Variants in OCA2 observed in about 807,000 individuals in gnomAD.
The protein encoded by OCA2 is OCA2 melanosomal transmembrane protein, also known as P protein.
Under a neutral mutation model 100.2 loss-of-function variants are expected in OCA2, and 77 were observed. That is an observed-to-expected ratio of 0.77 (90% CI 0.64 to 0.93). The LOEUF is 0.93. Ranked by LOEUF, OCA2 falls within the 40% of genes least tolerant of loss-of-function variation. OCA2 has a pLI of 0.00. For missense variants in OCA2, 1,062 were observed against 1,089.1 expected (o/e 0.98, Z 0.35); for synonymous variants, 432 against 439.2 (o/e 0.98, Z 0.21).
At chr15:27,741,340 G>A in the OCA2 span, among the ~76,000 whole-genome samples, 4 of 152,314 alleles carry the variant, frequency 2.6e-5, no homozygotes, top group Admixed American at 2.6e-4. Context: ...GCATGGGGGA[G>A]GCTTTGACCA....
chr15:28,094,884 G>A (rs1013785269), intron 1 of OCA2, among the ~76,000 whole-genome samples: 9 of 152,238 alleles, frequency 5.9e-5, no homozygotes, highest in African/African-American at 1.9e-4. Flanking sequence ...CGACGGCACC[G>A]GTGCCAGGAC....
rs374434751 is a variant in OCA2 at position 27,983,369 on chromosome 15, A to C, written c.1479T>G (p.Val493=). The C allele has an allele frequency of 2.6e-4, 415 of 1,614,212 alleles. 2 individuals are homozygous for C. The South Asian group carries it at 3.7e-3, about 14-fold the overall frequency. The change falls in exon 14 of 24, where the codon GTT becomes GTG. Residue 493 remains valine (V), a synonymous_variant. Coordinates refer to ENST00000354638, the MANE Select transcript of OCA2 (RefSeq NM_000275.3). ...CCATCTTCCTCAGCTCTTGGTTGGA[A>C]ACAATAATGACATTTGGAGGGTCCC... The part of the protein sequence containing the change: ...AIGDPPNVII[V]SNQELRKMGL...
intron 23 of OCA2, among the ~76,000 whole-genome samples, chr15:27,826,070 G>A (rs1479039196): frequency 6.6e-6 from 1 of 152,174 alleles, no homozygotes; most frequent in Non-Finnish European, 1.5e-5. Context: ...CTACCCATGA[G>A]CCACCATTAG....
intron 1 of OCA2, among the ~76,000 whole-genome samples, chr15:28,094,927 T>G (rs897802013): frequency 6.6e-6 from 1 of 152,210 alleles, no homozygotes; most frequent in Non-Finnish European, 1.5e-5. Context: ...CCGGGCGTGG[T>G]CCTGACACCT....
At chr15:27,749,169 A>C in the OCA2 span, among the ~76,000 whole-genome samples, 1 of 152,216 alleles carries the variant, frequency 6.6e-6, no homozygotes, top group Non-Finnish European at 1.5e-5. Context: ...GCCACAACAT[A>C]ATCAAATCCC....
intron 18 of OCA2, among the ~76,000 whole-genome samples, chr15:27,927,118 C>T (rs1487650262): frequency 1.3e-5 from 2 of 152,198 alleles, no homozygotes; most frequent in African/African-American, 4.8e-5. Flanking sequence ...GGAGAAACCC[C>T]GTCTCTACTA....
At chr15:27,914,834 TA>T (rs1472268075) in intron 19 of OCA2, among the ~76,000 whole-genome samples, 1 of 152,106 alleles carries the variant, frequency 6.6e-6, no homozygotes, top group Non-Finnish European at 1.5e-5. Context: ...ACACCAATGA[TA>T]TTCTTCAGAG....
chr15:27,942,410 C>T (rs2039680385), intron 18 of OCA2, among the ~76,000 whole-genome samples: 1 of 151,852 alleles, frequency 6.6e-6, no homozygotes, highest in South Asian at 2.1e-4. Flanking sequence ...CAAAAGACCA[C>T]ATGTTAAATG....
chr15:27,985,131 C>T lies in OCA2; in HGVS notation c.1297G>A (p.Ala433Thr), dbSNP rs749410903. The change falls in exon 13 of 24, where the codon GCG becomes ACG. Residue 433 changes from alanine to threonine, a missense_variant. Ala to Thr is a moderately conservative substitution (Grantham distance 58, BLOSUM62 0). Transcript: ENST00000354638. ...TCCAAGAAGGCAGAGAGGACGGCCG[C>T]GATGAGACAGAGCATGATGATCATG... ...WAMIIMLCLI[A>T]AVLSAFLDNV... is the part of the protein sequence containing the mutation. 7.9e-5 allele frequency: 127 copies of T among 1,613,962 alleles called. 1 individual carries two copies. Among genetic ancestry groups the T allele is most frequent in the Non-Finnish European group, 9.3e-5 (110 of 1,179,976 alleles).
the OCA2 span, among the ~76,000 whole-genome samples, chr15:27,740,314 A>G: frequency 6.6e-6 from 1 of 152,054 alleles, no homozygotes; most frequent in Admixed American, 6.5e-5. Context: ...ACAGAAAAAG[A>G]TCAAAAGGTC....
At chr15:28,068,740 T>C (rs1382869840) in intron 2 of OCA2, among the ~76,000 whole-genome samples, 2 of 152,210 alleles carry the variant, frequency 1.3e-5, no homozygotes, top group African/African-American at 2.4e-5. Context: ...AAAGTTAATA[T>C]GCCACAATCA....
intron 22 of OCA2, among the ~76,000 whole-genome samples, chr15:27,847,540 G>T (rs1314938629): frequency 6.6e-6 from 1 of 152,050 alleles, no homozygotes; most frequent in Non-Finnish European, 1.5e-5. Context: ...CTGGAGAGGA[G>T]GCCAAAGACA....
intron 1 of OCA2, among the ~76,000 whole-genome samples, chr15:28,091,591 T>C (rs1413598730): frequency 6.6e-6 from 1 of 152,070 alleles, no homozygotes; most frequent in Non-Finnish European, 1.5e-5. Context: ...CCATGAGAAA[T>C]GAAAACATAT....
intron 23 of OCA2, among the ~76,000 whole-genome samples, chr15:27,766,234 T>C (rs1021192024): frequency 2.6e-5 from 4 of 152,226 alleles, no homozygotes; most frequent in South Asian, 2.1e-4. Context: ...ATCCAAAATA[T>C]TATTTGACCA....
chr15:27,829,298 TAGA>T (rs2034859052), intron 23 of OCA2, among the ~76,000 whole-genome samples: 1 of 148,642 alleles, frequency 6.7e-6, no homozygotes, highest in African/African-American at 2.5e-5. Flanking sequence ...GATAGATAGA[TAGA>T]TAGATAGATA....
chr15:27,936,668 C>T (rs1220040220), intron 18 of OCA2, among the ~76,000 whole-genome samples: 1 of 152,106 alleles, frequency 6.6e-6, no homozygotes, highest in Admixed American at 6.5e-5. Flanking sequence ...TTATGGGCAC[C>T]TGCTGTGTGC....
At chr15:27,786,345 G>A (rs975901642) in intron 23 of OCA2, among the ~76,000 whole-genome samples, 3 of 152,166 alleles carry the variant, frequency 2.0e-5, no homozygotes, top group South Asian at 2.1e-4. Flanking sequence ...GATAGGAACT[G>A]CACTGACTCT....
intron 9 of OCA2, among the ~76,000 whole-genome samples, chr15:27,991,991 T>C (rs2041570322): frequency 6.6e-6 from 1 of 152,254 alleles, no homozygotes; most frequent in African/African-American, 2.4e-5. Flanking sequence ...AGTTTCACTT[T>C]TTAAGAGTTG....
chr15:27,984,124 T>C (rs554715641), intron 13 of OCA2, among the ~76,000 whole-genome samples: 1 of 151,998 alleles, frequency 6.6e-6, no homozygotes, highest in South Asian at 2.1e-4. Context: ...TTCCAGTTAT[T>C]CTCTTCTAGC....
Sources: gnomAD v4.1 joint callset for allele counts (sites outside exome capture counted in the v4.1 genomes callset) on GRCh38, gnomAD v4.1.1 for gene constraint, MANE v1.5 for transcripts, NCBI Gene and HGNC (gene_info 2026-07-23, HGNC 2026-07-21) for gene names.